The following RBM27 variants were observed in gnomAD, a reference collection of about 807,000 sequenced individuals.
The protein encoded by RBM27 is RNA-binding protein 27.
In RBM27, 22 loss-of-function variants were observed where a neutral mutation model predicts 135.3. The observed-to-expected ratio is 0.16, with a 90% confidence interval of 0.12 to 0.23. The LOEUF is 0.23. RBM27 is among the 10% of genes least tolerant of loss of function. The probability of loss-of-function intolerance (pLI) is 1.00; values close to 1 mark genes in which losing one functional copy is unlikely to be tolerated. For missense variants in RBM27, 1,009 were observed against 1,281.0 expected (o/e 0.79, Z 3.24); for synonymous variants, 481 against 442.4 (o/e 1.09, Z -1.10).
At chr5:146,240,420 G>A (rs1757358922) in intron 8 of RBM27, among the ~76,000 whole-genome samples, 2 of 152,018 alleles carry the variant, frequency 1.3e-5, no homozygotes, top group African/African-American at 2.4e-5. Flanking sequence ...TCTGCCTCCC[G>A]GGTTCAAGTG....
chr5:146,246,044 C>T (rs1160991541), intron 8 of RBM27, among the ~76,000 whole-genome samples: 2 of 152,148 alleles, frequency 1.3e-5, no homozygotes, highest in East Asian at 1.9e-4. Flanking sequence ...CATTTGGGTA[C>T]TTTAAGCTTT....
intron 4 of RBM27, among the ~76,000 whole-genome samples, chr5:146,229,446 T>G (rs1318780356): frequency 2.0e-5 from 3 of 152,160 alleles, no homozygotes; most frequent in African/African-American, 7.2e-5. Flanking sequence ...TTTTTTCTTT[T>G]CTATTTCAAA....
Position 146,228,577 on chromosome 5 carries a change from C to T in RBM27, c.304-369C>T, listed in dbSNP as rs539615408. Among the ~76,000 whole-genome samples the T allele has an allele frequency of 5.3e-5, 8 of 151,354 alleles. No homozygotes were observed. In the South Asian group the frequency reaches 8.4e-4, roughly 16 times the overall value. ...GATTATAGGTGTGAATCACTGCGCC[C>T]GGCCGAGAGGGACCATTCTTATTTT... On this transcript the variant is annotated intron_variant, in intron 3 of 20. Coordinates refer to ENST00000265271, the MANE Select transcript of RBM27 (RefSeq NM_018989.2).
intron 11 of RBM27, among the ~76,000 whole-genome samples, chr5:146,259,649 A>G (rs894565747): frequency 3.3e-5 from 5 of 151,198 alleles, no homozygotes; most frequent in Admixed American, 1.3e-4. Flanking sequence ...TTTGTAATCT[A>G]TTGCTGTTCA....
In RBM27 at chr5:146,258,768, ATTT is replaced by A. The variant is rs376613663; in HGVS notation, c.1739+189_1739+191del. On this transcript the variant is annotated intron_variant, in intron 11 of 20. Coordinates refer to ENST00000265271, the MANE Select transcript of RBM27 (RefSeq NM_018989.2). ...AATTAAAAAGTTAACAATATTTATA[ATTT>A]TTTTTTTTTTTTTAAAAGACGTAGT... Among the ~76,000 whole-genome samples, 511 of 145,706 alleles carry A rather than the reference ATTT, an allele frequency of 3.5e-3. 2 individuals are homozygous for A. The highest frequency in any genetic ancestry group is 0.012 in the African/African-American group (477 of 40,046).
At chr5:146,204,845 A>G (rs1468405677) in intron 1 of RBM27, among the ~76,000 whole-genome samples, 5 of 152,224 alleles carry the variant, frequency 3.3e-5, no homozygotes, top group Non-Finnish European at 7.3e-5. Flanking sequence ...TGGTGTTAGT[A>G]GAAATGTTAT....
At chr5:146,231,849 A>G (rs1197983428) in intron 6 of RBM27, among the ~76,000 whole-genome samples, 1 of 152,120 alleles carries the variant, frequency 6.6e-6, no homozygotes, top group Non-Finnish European at 1.5e-5. Context: ...TCCTGACCTC[A>G]GGTGATCCAC....
chr5:146,212,028 A>T (rs1172723763), intron 1 of RBM27, among the ~76,000 whole-genome samples: 1 of 151,934 alleles, frequency 6.6e-6, no homozygotes, highest in East Asian at 1.9e-4. Flanking sequence ...TTGCTTTTAT[A>T]ACCATCACTT....
intron 19 of RBM27, among the ~76,000 whole-genome samples, chr5:146,276,970 A>G (rs1759116589): frequency 6.6e-6 from 1 of 152,218 alleles, no homozygotes; most frequent in Admixed American, 6.5e-5. Context: ...ATCTGTCACA[A>G]GTGATCAGGA....
intron 3 of RBM27, among the ~76,000 whole-genome samples, chr5:146,225,915 T>C (rs1277576886): frequency 6.6e-6 from 1 of 151,774 alleles, no homozygotes; most frequent in Non-Finnish European, 1.5e-5. Flanking sequence ...CAGGGTGGAG[T>C]GCGGTGGCGC....
intron 14 of RBM27, among the ~76,000 whole-genome samples, chr5:146,265,109 G>T (rs975267905): frequency 1.3e-5 from 2 of 152,034 alleles, no homozygotes; most frequent in Non-Finnish European, 2.9e-5. Flanking sequence ...TATGTCAAAG[G>T]TATACCAGCC....
chr5:146,204,966 C>T (rs1222551838), intron 1 of RBM27, among the ~76,000 whole-genome samples: 3 of 151,912 alleles, frequency 2.0e-5, no homozygotes, highest in Non-Finnish European at 4.4e-5. Flanking sequence ...GGCTGGATTT[C>T]GGCTCACTGC....
intron 6 of RBM27, 47 bp downstream of exon 6, chr5:146,230,964 G>A (rs760653903): frequency 3.8e-6 from 6 of 1,585,940 alleles, no homozygotes; most frequent in East Asian, 2.2e-5. Context: ...AGTACTAGCA[G>A]AGCAAATGTT....
chr5:146,232,713 C>T lies in RBM27; in HGVS notation c.851-737C>T, dbSNP rs1194843106. Among the ~76,000 whole-genome samples, 9 of 152,128 alleles carry T rather than the reference C, an allele frequency of 5.9e-5. No homozygotes were observed. The South Asian group carries it at 1.2e-3, about 21-fold the overall frequency. On this transcript the variant is annotated intron_variant, in intron 6 of 20. Coordinates refer to ENST00000265271, the MANE Select transcript of RBM27 (RefSeq NM_018989.2). ...CCTCCTGAGTAGCTGGGACTACAAG[C>T]GCGTGCCACCACGCCCAGCTAATTT...
chr5:146,204,091 G>A (rs1401964776), intron 1 of RBM27, among the ~76,000 whole-genome samples: 1 of 152,232 alleles, frequency 6.6e-6, no homozygotes, highest in Non-Finnish European at 1.5e-5. Flanking sequence ...CGGGGTGCTG[G>A]AAGGGGTAGC....
chr5:146,218,908 A>G, intron 1 of RBM27, 77 bp from the exon 2 acceptor site: 1 of 849,194 alleles, frequency 1.2e-6, no homozygotes, highest in Non-Finnish European at 1.8e-6. Context: ...TTCCAAAATA[A>G]GGGTGACTTC....
chr5:146,237,249 T>C, intron 7 of RBM27, 49 bp from the exon 8 acceptor site: 2 of 1,608,350 alleles, frequency 1.2e-6, no homozygotes, highest in South Asian at 2.2e-5. Flanking sequence ...GATACTTTTA[T>C]TAGGAAATAT....
chr5:146,229,700 A>G lies in RBM27; in HGVS notation c.396-17A>G, dbSNP rs751756207. The G allele has an allele frequency of 5.1e-6, 8 of 1,570,864 alleles. No individual in the cohort carries two copies. Among genetic ancestry groups the G allele is most frequent in the Non-Finnish European group, 7.0e-6 (8 of 1,144,900 alleles). ...TTTCTATAGCCTGCATATGGCTTTTATATCTGTATATTATAGGACACGTGA... is the reference window on the plus strand; with the variant it reads ...TTTCTATAGCCTGCATATGGCTTTTGTATCTGTATATTATAGGACACGTGA... On this transcript the variant is annotated splice_polypyrimidine_tract_variant and intron_variant, in intron 4 of 20. Transcript: ENST00000265271.
intron 1 of RBM27, among the ~76,000 whole-genome samples, chr5:146,215,613 T>C (rs1303636576): frequency 2.0e-5 from 3 of 152,204 alleles, no homozygotes; most frequent in Admixed American, 6.5e-5. Context: ...GTAATTTTTT[T>C]CCCCTTCTCT....
Sources: allele counts gnomAD v4.1 joint callset (sites outside exome capture counted in the v4.1 genomes callset), GRCh38; gene constraint gnomAD v4.1.1; transcripts MANE v1.5; gene names NCBI Gene and HGNC (gene_info 2026-07-23, HGNC 2026-07-21).